Variants in TLN2 observed in about 807,000 individuals in gnomAD.
The protein encoded by TLN2 is talin-2.
Under a neutral mutation model 294.7 loss-of-function variants are expected in TLN2, and 118 were observed. The observed-to-expected ratio is 0.40, with a 90% CI of 0.34 to 0.47. The LOEUF is 0.47. Ranked by LOEUF, TLN2 falls within the 20% of genes least tolerant of loss-of-function variation. TLN2 has a pLI of 0.84. For missense variants in TLN2, 3,083 were observed against 3,282.2 expected (o/e 0.94, Z 1.48); for synonymous variants, 1,431 against 1,304.5 (o/e 1.10, Z -2.09).
intron 2 of TLN2, among the ~76,000 whole-genome samples, chr15:62,593,355 G>T (rs749751604): frequency 6.6e-6 from 1 of 152,158 alleles, no homozygotes; most frequent in Non-Finnish European, 1.5e-5. Flanking sequence ...CCTAGGCTGC[G>T]CTCCTCACTC....
At chr15:62,591,798 C>T (rs1030352362) in intron 2 of TLN2, among the ~76,000 whole-genome samples, 1 of 151,994 alleles carries the variant, frequency 6.6e-6, no homozygotes, top group African/African-American at 2.4e-5. Context: ...GGGCACAGCT[C>T]AGAGTTCCGA....
chr15:62,753,391 T>C (rs1019561218), intron 35 of TLN2, among the ~76,000 whole-genome samples: 5 of 152,170 alleles, frequency 3.3e-5, no homozygotes, highest in African/African-American at 1.2e-4. Flanking sequence ...ACCCACTGTT[T>C]TGTGCCTCTC....
intron 32 of TLN2, among the ~76,000 whole-genome samples, chr15:62,744,735 C>T (rs1046062445): frequency 2.0e-5 from 3 of 151,972 alleles, no homozygotes; most frequent in Non-Finnish European, 2.9e-5. Flanking sequence ...TTAGTAGAGA[C>T]GGGGTTTCAC....
chr15:62,450,531 ATGTATGTATGTATGTATGTG>A (rs1363384789), intron 1 of TLN2, among the ~76,000 whole-genome samples: 1 of 54,970 alleles, frequency 1.8e-5, no homozygotes, highest in Non-Finnish European at 3.9e-5. Flanking sequence ...GTATGTATGT[ATGTATGTATGTATGTATGTG>A]TGTGTGTGTG....
intron 1 of TLN2, among the ~76,000 whole-genome samples, chr15:62,405,468 G>A (rs1566946598): frequency 6.6e-6 from 1 of 152,200 alleles, no homozygotes; most frequent in Admixed American, 6.5e-5. Context: ...ACCGCTTCTG[G>A]TTTCTAAGAC....
chr15:62,673,659 C>T (rs556067101), intron 9 of TLN2, among the ~76,000 whole-genome samples, 168 bp from the exon 10 acceptor site: 6 of 149,830 alleles, frequency 4.0e-5, no homozygotes, highest in African/African-American at 1.5e-4. Context: ...GTTTTATGTC[C>T]GTGCCCTTAT....
chr15:62,621,299 G>C (rs978492665), intron 3 of TLN2, among the ~76,000 whole-genome samples: 5 of 152,232 alleles, frequency 3.3e-5, no homozygotes, highest in Non-Finnish European at 2.9e-5. Flanking sequence ...TTGTATGGCT[G>C]TGTCCTTTGG....
At chr15:62,530,011 T>A (rs545435274) in intron 1 of TLN2, among the ~76,000 whole-genome samples, 1 of 152,204 alleles carries the variant, frequency 6.6e-6, no homozygotes, top group African/African-American at 2.4e-5. Flanking sequence ...GACCAACTGG[T>A]GAAACCCCTT....
In TLN2 at chr15:62,737,048, G is replaced by A. The variant is rs371013581; in HGVS notation, c.3529G>A (p.Ala1177Thr). The change falls in exon 29 of 59, where the codon GCA (alanine) becomes ACA (threonine). Residue 1177 changes from alanine to threonine, a missense_variant. Transcript: ENST00000636159. ...TCAAGAGGCCAAGCAGGCCCTGATTGCACCTGGAGATGCAGAGCGTCAACA... is the reference window on the plus strand; with the variant it reads ...TCAAGAGGCCAAGCAGGCCCTGATTACACCTGGAGATGCAGAGCGTCAACA... ...LIQEAKQALI[A>T]PGDAERQQRL... 117 of 1,614,108 alleles carry A rather than the reference G, an allele frequency of 7.2e-5. No homozygotes were observed. Among genetic ancestry groups the A allele is most frequent in the Non-Finnish European group, 8.7e-5 (103 of 1,180,056 alleles).
intron 1 of TLN2, among the ~76,000 whole-genome samples, chr15:62,529,161 A>G (rs1012140484): frequency 6.6e-5 from 10 of 151,682 alleles, no homozygotes; most frequent in African/African-American, 2.4e-4. Context: ...TGGCATGATC[A>G]TGACTCCCTG....
At chr15:62,612,299 C>T (rs575841430) in intron 2 of TLN2, among the ~76,000 whole-genome samples, 5 of 152,040 alleles carry the variant, frequency 3.3e-5, no homozygotes, top group East Asian at 1.9e-4. Flanking sequence ...TTTTTGATTA[C>T]GAATCAATAT....
At chr15:62,605,535 C>T (rs538135944) in intron 2 of TLN2, among the ~76,000 whole-genome samples, 2 of 152,308 alleles carry the variant, frequency 1.3e-5, no homozygotes, top group South Asian at 4.1e-4. Flanking sequence ...TCCCTATCCC[C>T]AGCACCATCT....
intron 43 of TLN2, among the ~76,000 whole-genome samples, chr15:62,779,292 T>G (rs1486789475): frequency 1.3e-5 from 2 of 152,194 alleles, no homozygotes; most frequent in Non-Finnish European, 2.9e-5. Context: ...TCAGTGAGGT[T>G]GGTAGGATCC....
chr15:62,433,132 C>A (rs1441920938), intron 1 of TLN2, among the ~76,000 whole-genome samples: 1 of 152,128 alleles, frequency 6.6e-6, no homozygotes, highest in African/African-American at 2.4e-5. Context: ...GAATTTCAAC[C>A]TGAAATACAA....
At chr15:62,640,874 T>C (rs549673567) in intron 3 of TLN2, among the ~76,000 whole-genome samples, 30 of 152,278 alleles carry the variant, frequency 2.0e-4, no homozygotes, top group African/African-American at 6.5e-4. Flanking sequence ...CGATCTTGGC[T>C]CACTGCAACC....
At chr15:62,418,331 A>G (rs1015402656) in intron 1 of TLN2, among the ~76,000 whole-genome samples, 1 of 152,170 alleles carries the variant, frequency 6.6e-6, no homozygotes, top group African/African-American at 2.4e-5. Context: ...GAATCAACAC[A>G]AATCCCTCAT....
Position 62,814,157 on chromosome 15 carries a change from T to G in TLN2, c.6771+4125T>G, listed in dbSNP as rs567777410. ...ACAGTATAGACATAAAAGAATAGAG[T>G]CAAGGCTAGATCTTGAGAAAACATG... On this transcript the variant is annotated intron_variant, in intron 52 of 58. Transcript: ENST00000636159. Among the ~76,000 whole-genome samples the G allele has an allele frequency of 3.3e-5, 5 of 151,546 alleles. No individual in the cohort carries two copies. The South Asian group carries it at 1.0e-3, about 32-fold the overall frequency.
rs143263037 is a variant in TLN2 at position 62,663,335 on chromosome 15, C to T, written c.788+5437C>T. On this transcript the variant is annotated intron_variant, in intron 9 of 58. Coordinates refer to ENST00000636159, the MANE Select transcript of TLN2 (RefSeq NM_015059.3). ...TTCATGAAAACCTTCTTAGTCTAAA[C>T]AAGTATGATAATTAATAGTTTAATA... 6.2e-3 allele frequency among the ~76,000 whole-genome samples: 950 copies of T among 152,110 alleles called. 6 individuals are homozygous for T. Among genetic ancestry groups the T allele is most frequent in the Non-Finnish European group, 0.011 (717 of 67,976 alleles).
At chr15:62,621,025 G>C (rs1197832346) in intron 3 of TLN2, among the ~76,000 whole-genome samples, 1 of 151,226 alleles carries the variant, frequency 6.6e-6, no homozygotes, top group Non-Finnish European at 1.5e-5. Context: ...ATTTTTAGTA[G>C]AGACGGGGTT....
Sources: gnomAD v4.1 joint callset for allele counts (sites outside exome capture counted in the v4.1 genomes callset) on GRCh38, gnomAD v4.1.1 for gene constraint, MANE v1.5 for transcripts, NCBI Gene and HGNC (gene_info 2026-07-23, HGNC 2026-07-21) for gene names.